MAML2: variants seen among roughly 807,000 people sequenced by gnomAD.
MAML2 encodes the protein mastermind like transcriptional coactivator 2, also known as mastermind-like protein 2.
A neutral mutation model predicts 96.1 loss-of-function variants in MAML2; 22 were observed. The ratio of observed to expected loss-of-function variants is 0.23; its 90% confidence interval spans 0.16 to 0.33. The LOEUF is 0.33. Ranked by LOEUF, MAML2 falls within the 10% of genes least tolerant of loss-of-function variation. MAML2 has a pLI of 1.00. For missense variants in MAML2, 1,367 were observed against 1,392.4 expected, an observed-to-expected ratio of 0.98 and a Z score of 0.29; for synonymous variants, 561 against 521.3, an observed-to-expected ratio of 1.08 and a Z score of -1.04.
intron 3 of MAML2, among the ~76,000 whole-genome samples, chr11:95,987,662 G>A (rs922125797): frequency 5.3e-5 from 8 of 152,136 alleles, no homozygotes; most frequent in Non-Finnish European, 1.0e-4. Context: ...AACCTTCTTA[G>A]TAGAATAAGT....
chr11:96,318,995 C>G (rs763936270), intron 1 of MAML2, among the ~76,000 whole-genome samples: 1 of 152,142 alleles, frequency 6.6e-6, no homozygotes, highest in Non-Finnish European at 1.5e-5. Flanking sequence ...CCTGGTTTGG[C>G]CTATGTGACC....
chr11:96,002,895 T>C (rs1858113151), intron 2 of MAML2, among the ~76,000 whole-genome samples: 1 of 127,120 alleles, frequency 7.9e-6, no homozygotes, highest in Admixed American at 8.3e-5. Context: ...AGGAGGATGA[T>C]GGGGATGATG....
chr11:96,076,746 G>T (rs1859447131), intron 2 of MAML2, among the ~76,000 whole-genome samples: 1 of 152,190 alleles, frequency 6.6e-6, no homozygotes, highest in Non-Finnish European at 1.5e-5. Flanking sequence ...GGAACGTCTT[G>T]CTCTGAATAT....
intron 1 of MAML2, among the ~76,000 whole-genome samples, chr11:96,316,636 A>G (rs1375499438): frequency 6.6e-6 from 1 of 152,210 alleles, no homozygotes. Flanking sequence ...CGAGGCAGGC[A>G]GCAGCATGAG....
intron 1 of MAML2, among the ~76,000 whole-genome samples, chr11:96,106,993 TGACCAGTG>T (rs1860034166): frequency 9.2e-4 from 136 of 147,362 alleles, no homozygotes; most frequent in Middle Eastern, 3.5e-3. Context: ...TTTTTTTTTT[TGACCAGTG>T]TATTTTCTTC....
chr11:96,178,271 G>A (rs1861425837), intron 1 of MAML2, among the ~76,000 whole-genome samples: 1 of 152,022 alleles, frequency 6.6e-6, no homozygotes, highest in African/African-American at 2.4e-5. Context: ...ATAAACCGAG[G>A]TCGGCTGCCA....
At chr11:96,296,860 A>G (rs1179448519) in intron 1 of MAML2, among the ~76,000 whole-genome samples, 1 of 152,218 alleles carries the variant, frequency 6.6e-6, no homozygotes. Context: ...ATAAGGAAAA[A>G]CAATGTCATA....
chr11:96,097,605 T>C (rs748187101), intron 1 of MAML2, among the ~76,000 whole-genome samples: 1 of 152,184 alleles, frequency 6.6e-6, no homozygotes, highest in Non-Finnish European at 1.5e-5. Context: ...TCACAACAGT[T>C]ATAGAACAGA....
chr11:96,220,051 T>A (rs1438818115), intron 1 of MAML2, among the ~76,000 whole-genome samples: 1 of 152,254 alleles, frequency 6.6e-6, no homozygotes, highest in Non-Finnish European at 1.5e-5. Flanking sequence ...CATGTTGTTA[T>A]CATTGCCATG....
intron 2 of MAML2, among the ~76,000 whole-genome samples, chr11:96,068,664 TA>T (rs1859285590): frequency 6.6e-6 from 1 of 151,758 alleles, no homozygotes; most frequent in South Asian, 2.1e-4. Context: ...CCGTGTCAAC[TA>T]AAAATACAAA....
Position 96,092,468 on chromosome 11 carries a change from G to C in MAML2, c.1563C>G (p.Ala521=). 1 of 1,611,578 alleles carries C rather than the reference G, an allele frequency of 6.2e-7. No individual in the cohort carries two copies. The highest frequency in any genetic ancestry group is 8.5e-7 in the Non-Finnish European group (1 of 1,178,600). ...TGAGGACATCTAGGTGCCCACCCTG[G>C]GCTGAGGGGCCGGCCTTGTACATGT... is the stretch of plus-strand genomic sequence containing the variant. ...ANYMYKAGPS[A]QGGHLDVLMQ... is the part of the protein sequence containing the mutation. Residue 521 remains alanine, a synonymous_variant, in exon 2 of 5, where the codon GCC becomes GCG. Coordinates refer to ENST00000524717, the MANE Select transcript of MAML2 (RefSeq NM_032427.4). The surrounding 1 kb of genome is among the most constrained non-coding windows in gnomAD (Gnocchi z 4.1).
At chr11:96,315,009 G>A (rs1837933171) in intron 1 of MAML2, among the ~76,000 whole-genome samples, 1 of 152,188 alleles carries the variant, frequency 6.6e-6, no homozygotes, top group Non-Finnish European at 1.5e-5. Flanking sequence ...CAACCCTAGA[G>A]GTTCCATTTA....
chr11:96,032,042 G>A (rs1366555019), intron 2 of MAML2, among the ~76,000 whole-genome samples: 1 of 151,664 alleles, frequency 6.6e-6, no homozygotes, highest in African/African-American at 2.4e-5. Flanking sequence ...TACATCAGTG[G>A]GCCAAGATGG....
In MAML2 at chr11:95,991,832, C is replaced by G; in HGVS notation, c.2140-109G>C. On this transcript the variant is annotated intron_variant, in intron 2 of 4. Transcript: ENST00000524717. ...AAACATTTTTCATCTTATTAAAGATCAAACATGGTTAAATGGGTTGGAGAT... is the reference window on the plus strand; with the variant it reads ...AAACATTTTTCATCTTATTAAAGATGAAACATGGTTAAATGGGTTGGAGAT... 4 of 816,748 alleles carry G rather than the reference C, an allele frequency of 4.9e-6. No individual in the cohort carries two copies. The South Asian group carries it at 5.0e-5, about 10-fold the overall frequency. 50.6% of individuals were successfully genotyped at this position (816,748 alleles called of 1,614,324 possible).
At chr11:96,293,980 A>G (rs1004153742) in intron 1 of MAML2, among the ~76,000 whole-genome samples, 3 of 152,354 alleles carry the variant, frequency 2.0e-5, no homozygotes, top group Middle Eastern at 3.4e-3. Context: ...TGACTATTCA[A>G]TTGCAGTTGG....
rs182412696 is a variant in MAML2 at position 96,270,435 on chromosome 11, G to A, written c.513+70948C>T. ...AGCAATTGTCCTGACTCAGCCTCCC[G>A]AATAGCTGGGATTACAGACGGGTGC... On this transcript the variant is annotated intron_variant, in intron 1 of 4. Coordinates refer to ENST00000524717, the MANE Select transcript of MAML2 (RefSeq NM_032427.4). 3.3e-5 allele frequency among the ~76,000 whole-genome samples: 5 copies of A among 152,180 alleles called. No homozygotes were observed. The East Asian group carries it at 5.8e-4, about 18-fold the overall frequency.
intron 3 of MAML2, among the ~76,000 whole-genome samples, 169 bp downstream of exon 3, chr11:95,991,351 T>TC (rs574958610): frequency 2.4e-3 from 1 of 410 alleles, no homozygotes; most frequent in Non-Finnish European, 3.7e-3. Flanking sequence ...CAAGTTTGGG[T>TC]TTTTTTTTCT....
At chr11:96,253,331 A>G (rs766488798) in intron 1 of MAML2, among the ~76,000 whole-genome samples, 2 of 152,242 alleles carry the variant, frequency 1.3e-5, no homozygotes, top group African/African-American at 2.4e-5. Flanking sequence ...CTGCTCTAAC[A>G]TGACAATGCC....
In MAML2 at chr11:95,977,399, A is replaced by C. The variant is rs1857664963; in HGVS notation, c.*1549T>G. 2.1e-5 allele frequency: 4 copies of C among 188,906 alleles called. No individual in the cohort carries two copies. The East Asian group carries it at 3.4e-4, about 16-fold the overall frequency. The allele number at this position is 188,906 out of a possible 1,614,324, so 11.7% of individuals were successfully genotyped here. A position where few individuals can be genotyped will look rare whatever the true frequency, so the allele number is the denominator to read the frequency against. On this transcript the variant is annotated 3_prime_UTR_variant, in exon 5 of 5. Coordinates refer to ENST00000524717, the MANE Select transcript of MAML2 (RefSeq NM_032427.4). ...GAAGGAGAGTGCTTCCAGACATTTTAAAGACTGGGAGACAGCTTTGCAGAA... is the reference window on the plus strand; with the variant it reads ...GAAGGAGAGTGCTTCCAGACATTTTCAAGACTGGGAGACAGCTTTGCAGAA...
Sources: gnomAD v4.1 joint callset for allele counts (sites outside exome capture counted in the v4.1 genomes callset) on GRCh38, gnomAD v4.1.1 for gene constraint, Gnocchi (gnomAD v3.1) non-coding constraint, MANE v1.5 for transcripts, NCBI Gene and HGNC (gene_info 2026-07-23, HGNC 2026-07-21) for gene names.